CIITA: variants seen among roughly 807,000 people sequenced by gnomAD.
CIITA encodes the protein class II major histocompatibility complex transactivator, also known as MHC class II transactivator.
A neutral mutation model predicts 115.1 loss-of-function variants in CIITA; 72 were observed. The observed-to-expected ratio is 0.63, with a 90% CI of 0.52 to 0.76. The LOEUF is 0.76. Among genes scored for constraint, CIITA ranks in the 30% least tolerant of loss-of-function variants. The pLI, the probability that CIITA is intolerant of heterozygous loss-of-function variation, is 0.00. For missense variants in CIITA, 1,617 were observed against 1,463.8 expected (o/e 1.10, Z -1.71); for synonymous variants, 763 against 635.6 (o/e 1.20, Z -3.02).
chr16:10,868,745 GT>G (rs1321593723), intron 1 of CIITA, among the ~76,000 whole-genome samples: 2 of 152,164 alleles, frequency 1.3e-5, no homozygotes, highest in Admixed American at 1.3e-4. Context: ...CTTTCCGAGA[GT>G]GCTGGTTCCT....
At chr16:10,893,740 C>T (rs2037825302) in intron 1 of CIITA, among the ~76,000 whole-genome samples, 1 of 130,132 alleles carries the variant, frequency 7.7e-6, no homozygotes, top group African/African-American at 2.9e-5. Context: ...ACCTGGGAGG[C>T]AGACGTTGCA....
In CIITA at chr16:10,928,906, T is replaced by A. The variant is rs569857478; in HGVS notation, c.*5051T>A. 1 of 151,632 alleles carries A rather than the reference T, an allele frequency of 6.6e-6. No individual in the cohort carries two copies. Among genetic ancestry groups the A allele is most frequent in the Middle Eastern group, 3.4e-3 (1 of 292 alleles). The allele number at this position is 151,632 out of a possible 1,614,324, so 9.4% of individuals were successfully genotyped here. On this transcript the variant is annotated 3_prime_UTR_variant, in exon 20 of 20. Transcript: ENST00000324288. Reference sequence around the variant, plus strand: ...GCCCCAGGGGTTGGAGTTGCATACATTTTTTTTTAATCCAAAGAAGTAAGC... The same window carrying A: ...GCCCCAGGGGTTGGAGTTGCATACAATTTTTTTTAATCCAAAGAAGTAAGC...
intron 1 of CIITA, among the ~76,000 whole-genome samples, chr16:10,887,191 C>T (rs2037037354): frequency 2.0e-5 from 3 of 152,104 alleles, no homozygotes; most frequent in Admixed American, 6.5e-5. Flanking sequence ...CTTCCCAACA[C>T]CATTTGGCCC....
At chr16:10,939,014 T>G (rs975035455), downstream of CIITA, 5 of 152,174 alleles carry the variant, frequency 3.3e-5, no homozygotes, top group Admixed American at 1.3e-4. This position sits in a 1 kb window ranked among gnomAD's most constrained non-coding sequence, Gnocchi z 4.9. Flanking sequence ...GAGACAGGGA[T>G]TTATCTTGGG....
chr16:10,917,788 T>C (rs2040039070), intron 15 of CIITA, among the ~76,000 whole-genome samples: 1 of 152,148 alleles, frequency 6.6e-6, no homozygotes, highest in African/African-American at 2.4e-5. Context: ...TTCAACATGA[T>C]TTTTTACTGA....
chr16:10,900,245 G>A (rs1196011697), intron 5 of CIITA, among the ~76,000 whole-genome samples: 2 of 152,104 alleles, frequency 1.3e-5, no homozygotes, highest in Non-Finnish European at 2.9e-5. Flanking sequence ...AATTTTCCAT[G>A]CAAATGACCA....
In CIITA at chr16:10,895,435, C is replaced by T. The variant is rs1014301124; in HGVS notation, c.199+7C>T. The T allele has an allele frequency of 6.2e-7, 1 of 1,612,980 alleles. No homozygotes were observed. On this transcript the variant is annotated splice_region_variant and intron_variant, in intron 2 of 19. Coordinates refer to ENST00000324288, the MANE Select transcript of CIITA (RefSeq NM_000246.4). ...GAGATTGAGCTCTACTCAGGTGGGC[C>T]CTCCTCCCTCTGGTCTCTTCCGGTA... is the stretch of plus-strand genomic sequence containing the variant.
intron 5 of CIITA, among the ~76,000 whole-genome samples, chr16:10,900,506 A>G (rs907909898): frequency 3.9e-5 from 6 of 152,136 alleles, no homozygotes; most frequent in Non-Finnish European, 5.9e-5. Flanking sequence ...TTGGGAGGCC[A>G]AGGCTGGCAG....
At chr16:10,870,600 C>A (rs972131046) in intron 1 of CIITA, among the ~76,000 whole-genome samples, 1 of 152,346 alleles carries the variant, frequency 6.6e-6, no homozygotes, top group African/African-American at 2.4e-5. Context: ...GGAAAAAGAA[C>A]CAGGCTGGAG....
At position 10,925,151 on chromosome 16, in the gene CIITA, A is replaced by C. The variant is rs892534384; in HGVS notation, c.*1296A>C. 1.3e-5 allele frequency: 2 copies of C among 152,216 alleles called. No individual in the cohort carries two copies. The highest frequency in any genetic ancestry group is 4.8e-5 in the African/African-American group (2 of 41,444). The allele number at this position is 152,216 out of a possible 1,614,324, so 9.4% of individuals were successfully genotyped here. On this transcript the variant is annotated 3_prime_UTR_variant, in exon 20 of 20. Transcript: ENST00000324288. The stretch of plus-strand genomic sequence containing the variant: ...GCTGTTGGCTGGGGGCCTCAGTGCC[A>C]CTACGGAATAGTTGGCTAGGACCCC...
chr16:10,878,026 G>A (rs2036011459), intron 1 of CIITA, among the ~76,000 whole-genome samples: 1 of 152,202 alleles, frequency 6.6e-6, no homozygotes, highest in Non-Finnish European at 1.5e-5. Context: ...ACATTCTCGA[G>A]TCAATTTTCC....
intron 13 of CIITA, among the ~76,000 whole-genome samples, chr16:10,911,700 C>G (rs1244893887): frequency 1.3e-5 from 2 of 151,716 alleles, no homozygotes; most frequent in Non-Finnish European, 2.9e-5. Flanking sequence ...GGACTACAGG[C>G]ATGCCCCACC....
chr16:10,908,911 AG>A, intron 11 of CIITA, 117 bp from the exon 12 acceptor site: 1 of 1,429,746 alleles, frequency 7.0e-7, no homozygotes, highest in South Asian at 1.2e-5. Context: ...TGGGAAAGGT[AG>A]AGGTTGAGCT....
chr16:10,909,298 AC>A (rs2039396784), intron 12 of CIITA, 111 bp downstream of exon 12: 3 of 1,139,860 alleles, frequency 2.6e-6, no homozygotes, highest in East Asian at 2.4e-5. Flanking sequence ...CCTCTGGGAC[AC>A]CCCATGCCCT....
chr16:10,922,194 G>A lies in CIITA; in HGVS notation c.3177G>A (p.Val1059=), dbSNP rs781036238. 1.9e-6 allele frequency: 3 copies of A among 1,614,230 alleles called. No individual in the cohort carries two copies. In the African/African-American group the frequency reaches 4.0e-5, roughly 22 times the overall value. ...LSLYNNCICD[V]GAESLARVLP... The stretch of plus-strand genomic sequence containing the variant: ...TGTACAATAACTGCATCTGCGACGT[G>A]GGAGCCGAGAGCTTGGCTCGTGTGC... Residue 1059 remains valine, a synonymous_variant, in exon 17 of 20, where the codon GTG becomes GTA. Coordinates refer to ENST00000324288, the MANE Select transcript of CIITA (RefSeq NM_000246.4).
chr16:10,910,160 TC>T, intron 12 of CIITA, 27 bp from the exon 13 acceptor site: 1 of 1,603,826 alleles, frequency 6.2e-7, no homozygotes, highest in Non-Finnish European at 8.5e-7. Flanking sequence ...CAGTGCCTGC[TC>T]CCCCTAACAT....
At chr16:10,871,742 T>C (rs1284842211) in intron 1 of CIITA, among the ~76,000 whole-genome samples, 1 of 152,196 alleles carries the variant, frequency 6.6e-6, no homozygotes, top group Non-Finnish European at 1.5e-5. Flanking sequence ...GTTCTGATTT[T>C]GGGAGTCTCC....
intron 12 of CIITA, among the ~76,000 whole-genome samples, chr16:10,909,551 C>T (rs35206575): frequency 0.58 from 88,310 of 152,006 alleles, 26,459 homozygotes; most frequent in East Asian, 0.84. Context: ...AATTTATAGA[C>T]GGCAGAGCTA....
chr16:10,921,720 C>T (rs949338497), intron 16 of CIITA, among the ~76,000 whole-genome samples: 4 of 152,176 alleles, frequency 2.6e-5, no homozygotes, highest in African/African-American at 9.7e-5. Context: ...TCCTTTTAGT[C>T]CTGCTGTTTT....
Sources: gnomAD v4.1 joint callset for allele counts (sites outside exome capture counted in the v4.1 genomes callset) on GRCh38, gnomAD v4.1.1 for gene constraint, Gnocchi (gnomAD v3.1) non-coding constraint, MANE v1.5 for transcripts, NCBI Gene and HGNC (gene_info 2026-07-23, HGNC 2026-07-21) for gene names.